Variants in MYO5B observed in about 807,000 individuals in gnomAD.
MYO5B encodes unconventional myosin-Vb.
In MYO5B, 143 loss-of-function variants were observed where a neutral mutation model predicts 229.3. The observed-to-expected ratio is 0.62, with a 90% CI of 0.54 to 0.72. The LOEUF is 0.72. Ranked by LOEUF, MYO5B falls within the 30% of genes least tolerant of loss-of-function variation. The pLI is 0.00. For missense variants in MYO5B, 2,321 were observed against 2,331.0 expected, an observed-to-expected ratio of 1.00 and a Z score of 0.09; for synonymous variants, 918 against 885.2, an observed-to-expected ratio of 1.04 and a Z score of -0.66.
intron 1 of MYO5B, among the ~76,000 whole-genome samples, chr18:50,176,271 A>C (rs755769297): frequency 2.0e-4 from 31 of 152,178 alleles, no homozygotes; most frequent in Non-Finnish European, 3.5e-4. Context: ...GACCGTGGTG[A>C]GATGTTCTAA....
chr18:49,912,047 G>C lies in MYO5B; in HGVS notation c.2202+15C>G, dbSNP rs749049753. The C allele has an allele frequency of 6.2e-7, 1 of 1,604,390 alleles. No homozygotes were observed. Among genetic ancestry groups the C allele is most frequent in the Non-Finnish European group, 8.5e-7 (1 of 1,171,174 alleles). ...CCTGGTCAGGCCTCTCCTGGAGCTG[G>C]GCTGTGTGGCTCACCTTGATGAGGT... On this transcript the variant is annotated intron_variant, in intron 18 of 39. Transcript: ENST00000285039.
In MYO5B at chr18:49,980,506, T is replaced by G; in HGVS notation, c.994A>C (p.Ile332Leu). The G allele has an allele frequency of 6.2e-7, 1 of 1,614,038 alleles. No homozygotes were observed. The highest frequency in any genetic ancestry group is 1.6e-4 in the Middle Eastern group (1 of 6,062). ...ATCGCCACACTTCCAAGGTGCAAGATAGAAGCAATTATCTTAAAAATGCTC... is the reference window on the plus strand; with the variant it reads ...ATCGCCACACTTCCAAGGTGCAAGAGAGAAGCAATTATCTTAAAAATGCTC... ...QMSIFKIIASILHLGSVAIQA... is the reference protein window; with the variant it reads ...QMSIFKIIASLLHLGSVAIQA... The change falls in exon 9 of 40, where the codon ATC (isoleucine) becomes CTC (leucine). Residue 332 changes from isoleucine to leucine, a missense_variant. This residue lies in a region of MYO5B where 2,113 missense variants were observed against 2,044.7 expected (regional missense o/e 1.03). Transcript: ENST00000285039.
chr18:49,828,717 A>G (rs868749735), intron 39 of MYO5B, among the ~76,000 whole-genome samples: 1 of 152,246 alleles, frequency 6.6e-6, no homozygotes, highest in South Asian at 2.1e-4. Context: ...TTTTCTGATT[A>G]GGATGGAATG....
At chr18:49,963,447 T>C (rs999663763) in intron 10 of MYO5B, among the ~76,000 whole-genome samples, 1 of 151,856 alleles carries the variant, frequency 6.6e-6, no homozygotes, top group African/African-American at 2.4e-5. Context: ...TTTTGAGACA[T>C]GGTCTGACTC....
intron 18 of MYO5B, among the ~76,000 whole-genome samples, chr18:49,907,740 G>C (rs1568026517): frequency 6.6e-6 from 1 of 152,266 alleles, no homozygotes; most frequent in Non-Finnish European, 1.5e-5. Flanking sequence ...AGGCTGTCCT[G>C]CCTGAGCTAA....
At chr18:50,093,228 AGAGG>A (rs1332428571) in intron 1 of MYO5B, among the ~76,000 whole-genome samples, 6 of 148,972 alleles carry the variant, frequency 4.0e-5, no homozygotes, top group African/African-American at 1.5e-4. Flanking sequence ...ACACACACAG[AGAGG>A]CACACACACA....
intron 1 of MYO5B, among the ~76,000 whole-genome samples, chr18:50,133,865 G>T (rs1384792821): frequency 6.6e-6 from 1 of 152,132 alleles, no homozygotes; most frequent in South Asian, 2.1e-4. Flanking sequence ...GGAGGGAGGT[G>T]GGGGGAGTTA....
chr18:49,971,501 G>C (rs2025691774), intron 10 of MYO5B, among the ~76,000 whole-genome samples: 1 of 152,182 alleles, frequency 6.6e-6, no homozygotes, highest in Non-Finnish European at 1.5e-5. Context: ...TGATATCACT[G>C]ACCTGATAGA....
intron 14 of MYO5B, among the ~76,000 whole-genome samples, chr18:49,951,908 A>G (rs529713317): frequency 5.3e-5 from 8 of 152,184 alleles, no homozygotes; most frequent in Non-Finnish European, 8.8e-5. Context: ...AAATGGAAAA[A>G]GTCACATTAA....
At chr18:50,063,037 T>C (rs1002130702) in intron 1 of MYO5B, among the ~76,000 whole-genome samples, 3 of 152,062 alleles carry the variant, frequency 2.0e-5, no homozygotes, top group African/African-American at 4.8e-5. Context: ...AAGTGCTTAG[T>C]AGTTCTTACT....
intron 18 of MYO5B, among the ~76,000 whole-genome samples, chr18:49,908,781 T>C (rs2024927485): frequency 6.6e-6 from 1 of 152,188 alleles, no homozygotes; most frequent in Non-Finnish European, 1.5e-5. Flanking sequence ...TGCACTCTTT[T>C]TATAACCCTC....
intron 39 of MYO5B, among the ~76,000 whole-genome samples, chr18:49,829,966 T>G (rs2023894194): frequency 6.6e-6 from 1 of 152,134 alleles, no homozygotes; most frequent in African/African-American, 2.4e-5. Flanking sequence ...ATCACAAATA[T>G]CACACTCAGA....
rs2025802467 is a variant in MYO5B, at chr18:49,980,499, T to C, written c.1001A>G (p.His334Arg). ...AGCCTGAATCGCCACACTTCCAAGGTGCAAGATAGAAGCAATTATCTTAAA... is the reference window on the plus strand; with the variant it reads ...AGCCTGAATCGCCACACTTCCAAGGCGCAAGATAGAAGCAATTATCTTAAA... ...SIFKIIASIL[H>R]LGSVAIQAER... Residue 334 changes from histidine (H) to arginine (R), a missense_variant, in exon 9 of 40, where the codon CAC becomes CGC. Transcript: ENST00000285039. The C allele has an allele frequency of 6.2e-7, 1 of 1,613,936 alleles. No individual in the cohort carries two copies. Among genetic ancestry groups the C allele is most frequent in the Admixed American group, 1.7e-5 (1 of 59,996 alleles).
chr18:50,080,163 C>T (rs763953867), intron 1 of MYO5B, among the ~76,000 whole-genome samples: 21 of 152,126 alleles, frequency 1.4e-4, no homozygotes, highest in African/African-American at 4.6e-4. Flanking sequence ...CAACCAGTAC[C>T]GCTTTAAAAA....
At chr18:50,114,494 G>C (rs138184475) in intron 1 of MYO5B, among the ~76,000 whole-genome samples, 90 of 152,278 alleles carry the variant, frequency 5.9e-4, no homozygotes, top group African/African-American at 2.0e-3. Flanking sequence ...GGCTTCCCAG[G>C]ATAGCTGCCT....
At chr18:50,090,036 G>A (rs573168861) in intron 1 of MYO5B, among the ~76,000 whole-genome samples, 12 of 152,132 alleles carry the variant, frequency 7.9e-5, no homozygotes, top group Non-Finnish European at 1.3e-4. Context: ...GCTGGTTTCC[G>A]CCCCAACTGG....
At chr18:50,112,113 G>T (rs868533625) in intron 1 of MYO5B, among the ~76,000 whole-genome samples, 1 of 152,172 alleles carries the variant, frequency 6.6e-6, no homozygotes. Flanking sequence ...ATATTAGATC[G>T]AGTAGTCAAA....
intron 1 of MYO5B, among the ~76,000 whole-genome samples, chr18:50,106,631 G>T (rs1164511753): frequency 6.6e-6 from 1 of 152,162 alleles, no homozygotes; most frequent in East Asian, 1.9e-4. Flanking sequence ...TCCTCTTCAG[G>T]TTTCACAGCC....
At chr18:50,144,572 A>G (rs1373101298) in intron 1 of MYO5B, among the ~76,000 whole-genome samples, 1 of 152,222 alleles carries the variant, frequency 6.6e-6, no homozygotes, top group Non-Finnish European at 1.5e-5. Context: ...CATGAGCTAC[A>G]TATACACAGA....
Sources: gnomAD v4.1 joint callset for allele counts (sites outside exome capture counted in the v4.1 genomes callset) on GRCh38, gnomAD v4.1.1 for gene constraint, gnomAD v4.1.1 regional missense constraint, MANE v1.5 for transcripts, NCBI Gene and HGNC (gene_info 2026-07-23, HGNC 2026-07-21) for gene names.